Variants in SLC25A48 observed in about 807,000 individuals in gnomAD.
The protein encoded by SLC25A48 is solute carrier family 25 member 48.
SLC25A48 carries 29 observed loss-of-function variants against 32.2 expected under a neutral mutation model. That is an observed-to-expected ratio of 0.90 (90% CI 0.67 to 1.23). The LOEUF is 1.23. Among genes scored for constraint, SLC25A48 ranks in the 50% most tolerant of loss-of-function variants. The pLI is 0.00. For synonymous variants in SLC25A48, 164 were observed against 172.3 expected, an observed-to-expected ratio of 0.95 and a Z score of 0.38; for missense variants, 399 against 422.7, an observed-to-expected ratio of 0.94 and a Z score of 0.49.
chr5:135,876,389 A>G (rs1440384786), intron 6 of SLC25A48: 1 of 152,098 alleles, frequency 6.6e-6, no homozygotes, highest in Non-Finnish European at 1.5e-5. Context: ...CTGAGGTCAG[A>G]CGATTGGTTT....
intron 3 of SLC25A48, among the ~76,000 whole-genome samples, chr5:135,808,112 T>A (rs115786571): frequency 0.011 from 1,697 of 151,136 alleles, 33 homozygotes; most frequent in African/African-American, 0.039. Context: ...TTTATTAATA[T>A]CACAGTGTGT....
chr5:135,841,559 C>T (rs36065644), intron 1 of SLC25A48, among the ~76,000 whole-genome samples: 1,604 of 152,202 alleles, frequency 0.011, 18 homozygotes, highest in Non-Finnish European at 0.017. Context: ...GGGATCTTCA[C>T]AAGAGAGTGA....
At chr5:135,742,363 G>A in intron 3 of SLC25A48, 1 of 1,003,310 alleles carries the variant, frequency 1.0e-6, no homozygotes, top group Non-Finnish European at 1.3e-6. Flanking sequence ...TTACAAGCAT[G>A]AATCACCACA....
Position 135,699,302 on chromosome 5 carries a change from T to G in SLC25A48, c.-521+64346T>G, listed in dbSNP as rs573859967. Among the ~76,000 whole-genome samples the G allele has an allele frequency of 2.0e-5, 3 of 152,212 alleles. No homozygotes were observed. In the East Asian group the frequency reaches 5.8e-4, roughly 29 times the overall value. Reference sequence around the variant, plus strand: ...CAACAGGAGAATAGATTTTTAAATGTGATGTGTATACATTACGATGTGATA... The same window carrying G: ...CAACAGGAGAATAGATTTTTAAATGGGATGTGTATACATTACGATGTGATA... On this transcript the variant is annotated intron_variant, in intron 3 of 10. Transcript: ENST00000646290.
chr5:135,801,237 A>AC (rs1271803095), intron 3 of SLC25A48, among the ~76,000 whole-genome samples: 3 of 147,588 alleles, frequency 2.0e-5, no homozygotes, highest in Non-Finnish European at 3.0e-5. Flanking sequence ...AGGGGTGTAC[A>AC]CCCCCTGTGA....
At chr5:135,863,383 A>G (rs1306786032) in intron 4 of SLC25A48, among the ~76,000 whole-genome samples, 3 of 152,188 alleles carry the variant, frequency 2.0e-5, no homozygotes, top group Non-Finnish European at 4.4e-5. Flanking sequence ...ACCTGGAAGC[A>G]TCAGGGCTGC....
intron 3 of SLC25A48, among the ~76,000 whole-genome samples, chr5:135,655,444 TCAGA>T (rs1753220636): frequency 1.3e-5 from 2 of 152,174 alleles, no homozygotes; most frequent in African/African-American, 4.8e-5. Context: ...GGCAGACCAC[TCAGA>T]CAGTGAGAAG....
At position 135,863,850 on chromosome 5, in the gene SLC25A48, G is replaced by A. The variant is rs141604409; in HGVS notation, c.422-7611G>A. 5.0e-3 allele frequency among the ~76,000 whole-genome samples: 756 copies of A among 152,292 alleles called. 4 individuals are homozygous for A. The highest frequency in any genetic ancestry group is 0.017 in the Middle Eastern group (5 of 292). On this transcript the variant is annotated intron_variant, in intron 4 of 7. Coordinates refer to ENST00000681962, the MANE Select transcript of SLC25A48 (RefSeq NM_001349336.2). ...GGAGGGGAAAAATGCTAAAGTTGGG[G>A]TGATGATGGGGACAGAGACAGAGGG...
chr5:135,842,469 C>A lies in SLC25A48; in HGVS notation c.90+10C>A. ...TCTGGACACAGTCAAGGTACAGTAGCCATGTTTCCCATTACCTCTTAAAAA... is the reference window on the plus strand; with the variant it reads ...TCTGGACACAGTCAAGGTACAGTAGACATGTTTCCCATTACCTCTTAAAAA... On this transcript the variant is annotated intron_variant, in intron 2 of 7. Coordinates refer to ENST00000681962, the MANE Select transcript of SLC25A48 (RefSeq NM_001349336.2). The A allele has an allele frequency of 6.2e-7, 1 of 1,612,690 alleles. No homozygotes were observed. The highest frequency in any genetic ancestry group is 8.5e-7 in the Non-Finnish European group (1 of 1,178,674).
At chr5:135,676,153 A>G (rs1214338534) in intron 3 of SLC25A48, among the ~76,000 whole-genome samples, 1 of 151,778 alleles carries the variant, frequency 6.6e-6, no homozygotes, top group Admixed American at 6.6e-5. Context: ...TAAAGGGGAT[A>G]TCTCTTGTTA....
intron 3 of SLC25A48, among the ~76,000 whole-genome samples, chr5:135,686,912 A>C (rs1754031967): frequency 6.6e-6 from 1 of 152,196 alleles, no homozygotes; most frequent in East Asian, 1.9e-4. Flanking sequence ...TCTGAAGGCT[A>C]TGACTTGCTA....
Position 135,871,600 on chromosome 5 carries a change from G to A in SLC25A48, c.561G>A (p.Arg187=). ...LYRGASAMLL[R]DVPGYCLYFI... ...GGGGGGCCAGTGCCATGCTGCTGAG[G>A]GATGTCCCAGGCTATTGCCTCTACT... is the stretch of plus-strand genomic sequence containing the variant. The change falls in exon 5 of 8, where the codon AGG becomes AGA. Residue 187 remains arginine, a synonymous_variant. Transcript: ENST00000681962. 5 of 1,614,210 alleles carry A rather than the reference G, an allele frequency of 3.1e-6. No homozygotes were observed. Among genetic ancestry groups the A allele is most frequent in the Non-Finnish European group, 4.2e-6 (5 of 1,180,028 alleles).
At chr5:135,793,146 C>T (rs187492468) in intron 3 of SLC25A48, among the ~76,000 whole-genome samples, 45 of 151,170 alleles carry the variant, frequency 3.0e-4, no homozygotes, top group Admixed American at 7.9e-4. Flanking sequence ...GGATATCGCT[C>T]GTAATATCCG....
At chr5:135,640,499 C>T (rs770980477) in intron 3 of SLC25A48, among the ~76,000 whole-genome samples, 3 of 152,074 alleles carry the variant, frequency 2.0e-5, no homozygotes, top group Non-Finnish European at 4.4e-5. Flanking sequence ...AAGAATAAAA[C>T]CTTCCGCATG....
intron 3 of SLC25A48, among the ~76,000 whole-genome samples, chr5:135,712,501 G>T: frequency 6.6e-6 from 1 of 152,166 alleles, no homozygotes; most frequent in African/African-American, 2.4e-5. Context: ...CAAGAGAGAG[G>T]GCTTGAGGAA....
chr5:135,772,900 A>C (rs971610475), intron 3 of SLC25A48, among the ~76,000 whole-genome samples: 2 of 151,466 alleles, frequency 1.3e-5, no homozygotes, highest in Non-Finnish European at 3.0e-5. Context: ...CCCTTGTGAT[A>C]TTGTTTGTAA....
Position 135,839,486 on chromosome 5 carries a change from C to A in SLC25A48, c.47-2930C>A, listed in dbSNP as rs1333936640. On this transcript the variant is annotated intron_variant, in intron 1 of 7. Coordinates refer to ENST00000681962, the MANE Select transcript of SLC25A48 (RefSeq NM_001349336.2). ...CCCATTGTTTCTAGGAAGTAACTAA[C>A]TTGCTTTTGATTTTACAGGCTTATA... 5.3e-5 allele frequency among the ~76,000 whole-genome samples: 8 copies of A among 152,304 alleles called. 1 individual carries two copies. Among genetic ancestry groups the A allele is most frequent in the Admixed American group, 4.6e-4 (7 of 15,306 alleles).
intron 3 of SLC25A48, among the ~76,000 whole-genome samples, chr5:135,720,003 A>C (rs1325108973): frequency 6.6e-6 from 1 of 152,238 alleles, no homozygotes; most frequent in East Asian, 1.9e-4. Context: ...TAGATGAGCT[A>C]GATCAGTAGT....
At chr5:135,744,396 G>A (rs990515385) in intron 3 of SLC25A48, among the ~76,000 whole-genome samples, 1 of 151,846 alleles carries the variant, frequency 6.6e-6, no homozygotes, top group Non-Finnish European at 1.5e-5. Context: ...TGTCACCCAG[G>A]CTGGGGGGCA....
Sources: gnomAD v4.1 joint callset for allele counts (sites outside exome capture counted in the v4.1 genomes callset) on GRCh38, gnomAD v4.1.1 for gene constraint, MANE v1.5 for transcripts, NCBI Gene and HGNC (gene_info 2026-07-23, HGNC 2026-07-21) for gene names.